PAG1: variants seen among roughly 807,000 people sequenced by gnomAD.
PAG1 encodes the protein phosphoprotein associated with glycosphingolipid-enriched microdomains 1.
Under a neutral mutation model 31.7 loss-of-function variants are expected in PAG1, and 23 were observed. The observed-to-expected ratio is 0.73, with a 90% CI of 0.52 to 1.03. PAG1 has a LOEUF of 1.03. Among genes scored for constraint, PAG1 ranks in the 50% least tolerant of loss-of-function variants. The pLI, the probability that PAG1 is intolerant of heterozygous loss-of-function variation, is 0.00. For missense variants in PAG1, 473 were observed against 540.7 expected (o/e 0.87, Z 1.24); for synonymous variants, 214 against 210.3 (o/e 1.02, Z -0.15).
Position 80,993,287 on chromosome 8 carries a change from A to T in PAG1, c.-60T>A, listed in dbSNP as rs1807597442. 1 of 1,537,258 alleles carries T rather than the reference A, an allele frequency of 6.5e-7. No homozygotes were observed. Among genetic ancestry groups the T allele is most frequent in the East Asian group, 2.3e-5 (1 of 43,064 alleles). On this transcript the variant is annotated 5_prime_UTR_variant, in exon 4 of 9. An upstream start codon of the reference 5' UTR is lost. Coordinates refer to ENST00000220597, the MANE Select transcript of PAG1 (RefSeq NM_018440.4). ...CAGTCAGTCCTTCAAAGGTGGTGACATGGAGGCAGAGAGCTGTGTCCTGCA... is the reference window on the plus strand; with the variant it reads ...CAGTCAGTCCTTCAAAGGTGGTGACTTGGAGGCAGAGAGCTGTGTCCTGCA...
intron 1 of PAG1, among the ~76,000 whole-genome samples, chr8:81,109,614 T>C (rs894622533): frequency 2.0e-5 from 3 of 152,226 alleles, no homozygotes; most frequent in Non-Finnish European, 4.4e-5. Context: ...TCAATGTCCA[T>C]AGCAGCAATT....
chr8:80,999,009 G>A (rs556395224), intron 3 of PAG1, among the ~76,000 whole-genome samples: 15 of 152,288 alleles, frequency 9.8e-5, no homozygotes, highest in South Asian at 8.3e-4. Context: ...TAATGATGGC[G>A]GAGGAAGCAG....
chr8:81,034,653 C>A (rs1233795206), intron 2 of PAG1, among the ~76,000 whole-genome samples: 2 of 152,124 alleles, frequency 1.3e-5, no homozygotes, highest in Non-Finnish European at 2.9e-5. Context: ...CTTCTGTGCT[C>A]CAGAGGCTTA....
chr8:80,980,782 T>C (rs1323800956), intron 7 of PAG1, among the ~76,000 whole-genome samples: 2 of 152,218 alleles, frequency 1.3e-5, no homozygotes, highest in African/African-American at 4.8e-5. Flanking sequence ...AATTCCTAAT[T>C]GTCACTGAAG....
rs1807029842 is a variant in PAG1, at chr8:80,969,385, T to C, written c.*7159A>G. 1 of 152,182 alleles carries C rather than the reference T, an allele frequency of 6.6e-6. No individual in the cohort carries two copies. The highest frequency in any genetic ancestry group is 2.4e-5 in the African/African-American group (1 of 41,450). 9.4% of individuals were successfully genotyped at this position (152,182 alleles called of 1,614,324 possible). A position where few individuals can be genotyped will look rare whatever the true frequency, so the allele number is the denominator to read the frequency against. On this transcript the variant is annotated 3_prime_UTR_variant, in exon 9 of 9. Transcript: ENST00000220597. ...TCAGGCTTTTGGTCCCAGCCTCTTC[T>C]TCCAGAGAAGGGCACTGCTGTCTTT...
chr8:80,994,123 C>A (rs191379985), intron 3 of PAG1, among the ~76,000 whole-genome samples: 4 of 150,604 alleles, frequency 2.7e-5, no homozygotes, highest in African/African-American at 9.9e-5. Flanking sequence ...TGCCATCTCT[C>A]ATCTCCCTAC....
At chr8:80,993,652 CA>C (rs1807607810) in intron 3 of PAG1, among the ~76,000 whole-genome samples, 1 of 148,436 alleles carries the variant, frequency 6.7e-6, no homozygotes, top group South Asian at 2.1e-4. Context: ...GCCCAGAGTA[CA>C]GGGGCGCAAT....
At position 81,074,058 on chromosome 8, in the gene PAG1, CA is replaced by C. The variant is rs370472776; in HGVS notation, c.-233-3889del. On this transcript the variant is annotated intron_variant, in intron 1 of 8. Coordinates refer to ENST00000220597, the MANE Select transcript of PAG1 (RefSeq NM_018440.4). ...GTGGGCACACGTGCAGACATGTGGG[CA>C]GATCCAGGAAAGGCAGCAAGATTAT... is the stretch of plus-strand genomic sequence containing the variant. 1.1e-4 allele frequency among the ~76,000 whole-genome samples: 16 copies of C among 152,142 alleles called. No individual in the cohort carries two copies. In the East Asian group the frequency reaches 3.1e-3, roughly 29 times the overall value.
At chr8:81,103,177 T>G (rs1437383957) in intron 1 of PAG1, among the ~76,000 whole-genome samples, 1 of 151,062 alleles carries the variant, frequency 6.6e-6, no homozygotes, top group Admixed American at 6.6e-5. Flanking sequence ...AAAAGCAGAT[T>G]TTCCCCCAAT....
chr8:80,988,556 G>A (rs907508779), intron 5 of PAG1, among the ~76,000 whole-genome samples: 1 of 152,046 alleles, frequency 6.6e-6, no homozygotes. Flanking sequence ...AAACTCCTGG[G>A]CCCAAGAGAT....
intron 2 of PAG1, among the ~76,000 whole-genome samples, chr8:81,058,910 G>C (rs1030638568): frequency 1.3e-5 from 2 of 152,028 alleles, no homozygotes; most frequent in Non-Finnish European, 2.9e-5. Flanking sequence ...AAATAAAATG[G>C]ATCTTCTTAA....
At chr8:81,055,829 A>G (rs1156943321) in intron 2 of PAG1, among the ~76,000 whole-genome samples, 1 of 152,220 alleles carries the variant, frequency 6.6e-6, no homozygotes, top group Non-Finnish European at 1.5e-5. Context: ...CTTTGCTGAA[A>G]TTGCTTATCA....
At position 80,972,958 on chromosome 8, in the gene PAG1, T is replaced by C. The variant is rs1319807425; in HGVS notation, c.*3586A>G. On this transcript the variant is annotated 3_prime_UTR_variant, in exon 9 of 9. Coordinates refer to ENST00000220597, the MANE Select transcript of PAG1 (RefSeq NM_018440.4). The stretch of plus-strand genomic sequence containing the variant: ...ACGTATACGTGTGTGTGTGTGTGTG[T>C]GTGTGTGTAGTTTATTACTGGTTAA... 6.6e-6 allele frequency: 1 copy of C among 151,816 alleles called. No individual in the cohort carries two copies. Among genetic ancestry groups the C allele is most frequent in the Non-Finnish European group, 1.5e-5 (1 of 67,962 alleles). The allele number at this position is 151,816 out of a possible 1,614,324, so 9.4% of individuals were successfully genotyped here. A position where few individuals can be genotyped will look rare whatever the true frequency, so the allele number is the denominator to read the frequency against.
chr8:81,001,815 T>G (rs1207426394), intron 3 of PAG1, among the ~76,000 whole-genome samples: 1 of 152,160 alleles, frequency 6.6e-6, no homozygotes, highest in African/African-American at 2.4e-5. Context: ...CACTTCCTCT[T>G]CTAACACACT....
At chr8:81,027,976 A>G (rs536009380) in intron 3 of PAG1, among the ~76,000 whole-genome samples, 87 of 151,922 alleles carry the variant, frequency 5.7e-4, no homozygotes, top group African/African-American at 1.9e-3. Context: ...CTTTAAGCCT[A>G]AAGACGAGGG....
At chr8:81,006,014 C>T (rs1439597492) in intron 3 of PAG1, among the ~76,000 whole-genome samples, 1 of 152,176 alleles carries the variant, frequency 6.6e-6, no homozygotes. Context: ...GCGATCTCGA[C>T]TCACAGCAAC....
intron 1 of PAG1, among the ~76,000 whole-genome samples, chr8:81,083,863 C>T (rs1173010766): frequency 6.6e-6 from 1 of 151,894 alleles, no homozygotes; most frequent in Admixed American, 6.6e-5. Flanking sequence ...GGTGAAACCC[C>T]ATCTCTACTG....
At position 80,990,198 on chromosome 8, in the gene PAG1, G is replaced by A. The variant is rs574937341; in HGVS notation, c.177+1281C>T. ...GGTGATGAGGGCCCAGGAAAGCTGC[G>A]AAGGGTGAGGTGGGCATGTGGATGC... On this transcript the variant is annotated intron_variant, in intron 5 of 8. Coordinates refer to ENST00000220597, the MANE Select transcript of PAG1 (RefSeq NM_018440.4). The surrounding 1 kb of genome is among the most constrained non-coding windows in gnomAD (Gnocchi z 5.1). Among the ~76,000 whole-genome samples the A allele has an allele frequency of 9.2e-5, 14 of 152,192 alleles. No homozygotes were observed. Among genetic ancestry groups the A allele is most frequent in the African/African-American group, 2.6e-4 (11 of 41,538 alleles).
chr8:81,106,872 T>G (rs1457648640), intron 1 of PAG1, among the ~76,000 whole-genome samples: 1 of 152,246 alleles, frequency 6.6e-6, no homozygotes, highest in African/African-American at 2.4e-5. Context: ...TAAGCCTTAC[T>G]GGTTAGACAT....
Sources: gnomAD v4.1 joint callset for allele counts (sites outside exome capture counted in the v4.1 genomes callset) on GRCh38, gnomAD v4.1.1 for gene constraint, Gnocchi (gnomAD v3.1) non-coding constraint, MANE v1.5 for transcripts, NCBI Gene and HGNC (gene_info 2026-07-23, HGNC 2026-07-21) for gene names.